Variants in ASIC2 observed in about 807,000 individuals in gnomAD.
The protein encoded by ASIC2 is acid-sensing ion channel 2.
ASIC2 carries 25 observed loss-of-function variants against 57.3 expected under a neutral mutation model. That is an observed-to-expected ratio of 0.44 (90% CI 0.32 to 0.61). The LOEUF (loss-of-function observed/expected upper bound fraction) is 0.61. ASIC2 is among the 20% of genes least tolerant of loss of function. The pLI is 0.06. For missense variants in ASIC2, 641 were observed against 738.1 expected (o/e 0.87, Z 1.52); for synonymous variants, 319 against 307.5 (o/e 1.04, Z -0.39).
intron 1 of ASIC2, among the ~76,000 whole-genome samples, chr17:34,012,565 G>A (rs1363831368): frequency 6.6e-6 from 1 of 152,070 alleles, no homozygotes; most frequent in East Asian, 1.9e-4. Context: ...TTCCTGATGA[G>A]CCCTCTCAGC....
At chr17:33,336,681 C>T (rs960405778) in intron 1 of ASIC2, among the ~76,000 whole-genome samples, 5 of 152,194 alleles carry the variant, frequency 3.3e-5, no homozygotes, top group South Asian at 2.1e-4. Context: ...CTGTGTCTGG[C>T]GGTGATCAGC....
intron 1 of ASIC2, among the ~76,000 whole-genome samples, chr17:33,687,561 T>C (rs1908235108): frequency 6.6e-6 from 1 of 152,146 alleles, no homozygotes; most frequent in African/African-American, 2.4e-5. Context: ...ATGGGGGCTC[T>C]TAGAGGAACC....
intron 1 of ASIC2, among the ~76,000 whole-genome samples, chr17:33,217,489 A>G (rs1281424168): frequency 6.6e-6 from 1 of 152,220 alleles, no homozygotes; most frequent in Non-Finnish European, 1.5e-5. Flanking sequence ...GTTATGGCTG[A>G]GCGAGCCCGG....
intron 1 of ASIC2, among the ~76,000 whole-genome samples, chr17:33,554,356 ATATGTGTG>A: frequency 7.5e-6 from 1 of 132,608 alleles, no homozygotes; most frequent in East Asian, 2.2e-4. Flanking sequence ...ATCACTGCTT[ATATGTGTG>A]TGTGTGTGTG....
chr17:33,169,248 CT>C (rs1246275439), intron 1 of ASIC2, among the ~76,000 whole-genome samples: 1 of 152,176 alleles, frequency 6.6e-6, no homozygotes, highest in Non-Finnish European at 1.5e-5. Flanking sequence ...AATATAAGAG[CT>C]GTGGAGGCAT....
intron 1 of ASIC2, among the ~76,000 whole-genome samples, chr17:33,335,610 G>A (rs1160954115): frequency 6.6e-6 from 1 of 152,124 alleles, no homozygotes; most frequent in African/African-American, 2.4e-5. Flanking sequence ...GGACTTACAG[G>A]AGAACCTACA....
intron 1 of ASIC2, among the ~76,000 whole-genome samples, chr17:33,402,270 C>A (rs992418113): frequency 6.6e-6 from 1 of 152,126 alleles, no homozygotes; most frequent in African/African-American, 2.4e-5. Context: ...GCTTTTTGAT[C>A]ATGACTTTGT....
intron 1 of ASIC2, among the ~76,000 whole-genome samples, chr17:33,175,108 T>C (rs545868968): frequency 2.0e-5 from 3 of 152,342 alleles, no homozygotes; most frequent in South Asian, 4.1e-4. Flanking sequence ...CGAGATGGCT[T>C]ACATGAAGCT....
intron 3 of ASIC2, among the ~76,000 whole-genome samples, chr17:33,080,890 T>C (rs1384826321): frequency 1.3e-5 from 2 of 152,170 alleles, no homozygotes; most frequent in Non-Finnish European, 2.9e-5. Flanking sequence ...TTCAGAATGG[T>C]GCACAACTGA....
chr17:34,109,259 G>A (rs1287486191), intron 1 of ASIC2, among the ~76,000 whole-genome samples: 1 of 152,030 alleles, frequency 6.6e-6, no homozygotes, highest in East Asian at 1.9e-4. Context: ...TAGACGATAC[G>A]TATAGCTCTA....
intron 1 of ASIC2, among the ~76,000 whole-genome samples, chr17:33,174,760 T>C (rs1905675489): frequency 6.6e-6 from 1 of 152,202 alleles, no homozygotes; most frequent in African/African-American, 2.4e-5. Context: ...TGGAAGCTCA[T>C]ATGGAGATGG....
At chr17:33,346,633 A>C (rs947078666) in intron 1 of ASIC2, among the ~76,000 whole-genome samples, 1 of 152,184 alleles carries the variant, frequency 6.6e-6, no homozygotes, top group Non-Finnish European at 1.5e-5. Context: ...GCATCCGTGC[A>C]AAGATATCAA....
chr17:33,494,549 G>A (rs895611466), intron 1 of ASIC2, among the ~76,000 whole-genome samples: 9 of 152,156 alleles, frequency 5.9e-5, no homozygotes, highest in Admixed American at 5.2e-4. Context: ...GGATGGAGTC[G>A]CAGGAAGTGC....
chr17:34,129,550 A>G (rs1567832224), intron 1 of ASIC2, among the ~76,000 whole-genome samples: 1 of 152,188 alleles, frequency 6.6e-6, no homozygotes, highest in Non-Finnish European at 1.5e-5. Flanking sequence ...TCCCAAAATT[A>G]TTCTCTAGAG....
intron 5 of ASIC2, among the ~76,000 whole-genome samples, chr17:33,025,461 C>G (rs1397176938): frequency 6.6e-6 from 1 of 152,110 alleles, no homozygotes; most frequent in East Asian, 1.9e-4. Context: ...CTCCCCTAGG[C>G]TCAATGGAGC....
intron 1 of ASIC2, among the ~76,000 whole-genome samples, chr17:33,517,241 G>A (rs572777764): frequency 6.6e-6 from 1 of 152,226 alleles, no homozygotes; most frequent in Admixed American, 6.5e-5. Flanking sequence ...TCAGCCTCCT[G>A]CGTAGCTGGG....
chr17:33,631,001 G>A (rs188417372), intron 1 of ASIC2, among the ~76,000 whole-genome samples: 10 of 152,294 alleles, frequency 6.6e-5, no homozygotes, highest in Non-Finnish European at 2.9e-5. Flanking sequence ...GTGACTAAAT[G>A]GAAAAGTGTG....
chr17:33,841,485 G>A (rs1489989288), intron 1 of ASIC2, among the ~76,000 whole-genome samples: 6 of 152,232 alleles, frequency 3.9e-5, no homozygotes. Context: ...AAATTACAAT[G>A]AGTGCACATC....
At chr17:34,039,260 G>T in intron 1 of ASIC2, 5 of 1,613,982 alleles carry the variant, frequency 3.1e-6, no homozygotes, top group Non-Finnish European at 4.2e-6. Context: ...GTCTGTCTGT[G>T]CTGGATGGAG....
Sources: allele counts gnomAD v4.1 joint callset (sites outside exome capture counted in the v4.1 genomes callset), GRCh38; gene constraint gnomAD v4.1.1; transcripts MANE v1.5; gene names NCBI Gene and HGNC (gene_info 2026-07-23, HGNC 2026-07-21).